EPHB1: variants seen among roughly 807,000 people sequenced by gnomAD.
EPHB1 encodes the protein ephrin type-B receptor 1.
EPHB1 carries 30 observed loss-of-function variants against 94.4 expected under a neutral mutation model. The ratio of observed to expected loss-of-function variants is 0.32; its 90% CI spans 0.24 to 0.43. The LOEUF (loss-of-function observed/expected upper bound fraction) is 0.43. EPHB1 is among the 20% of genes least tolerant of loss of function. The pLI is 1.00. For missense variants in EPHB1, 1,055 were observed against 1,308.3 expected (o/e 0.81, Z 2.99); for synonymous variants, 522 against 489.1 (o/e 1.07, Z -0.89).
intron 12 of EPHB1, among the ~76,000 whole-genome samples, chr3:135,240,641 A>G (rs2400512): frequency 0.35 from 53,718 of 152,038 alleles, 9,550 homozygotes; most frequent in Middle Eastern, 0.45. Flanking sequence ...GGAATGCAAC[A>G]AAAATGGGGC....
intron 5 of EPHB1, among the ~76,000 whole-genome samples, chr3:135,137,284 T>C (rs1940656013): frequency 6.6e-6 from 1 of 152,170 alleles, no homozygotes. Flanking sequence ...GAGGCAGCCA[T>C]TGTTCAGCTC....
chr3:134,878,882 GA>G (rs1177977780), intron 1 of EPHB1, among the ~76,000 whole-genome samples: 8 of 152,070 alleles, frequency 5.3e-5, no homozygotes, highest in African/African-American at 1.7e-4. Context: ...AACTTTTGAT[GA>G]AAAAAATAAC....
At chr3:135,015,666 T>G (rs951985344) in intron 3 of EPHB1, among the ~76,000 whole-genome samples, 1 of 152,180 alleles carries the variant, frequency 6.6e-6, no homozygotes. Context: ...CTGCTGACTA[T>G]GAAAAGGTGG....
intron 1 of EPHB1, among the ~76,000 whole-genome samples, chr3:134,831,506 T>A (rs1404085609): frequency 2.0e-5 from 3 of 152,246 alleles, no homozygotes; most frequent in Non-Finnish European, 4.4e-5. Context: ...AAAAAAGTAA[T>A]AGAAGTTTGC....
chr3:135,249,516 C>T (rs750680248), intron 15 of EPHB1, 25 bp downstream of exon 15: 2 of 1,604,796 alleles, frequency 1.2e-6, no homozygotes, highest in South Asian at 2.2e-5. Context: ...TCTCTCTGTC[C>T]AGACCACACC....
At chr3:134,930,150 G>A (rs1411319775) in intron 2 of EPHB1, among the ~76,000 whole-genome samples, 1 of 152,190 alleles carries the variant, frequency 6.6e-6, no homozygotes, top group Admixed American at 6.5e-5. Context: ...GAGAGGCCAA[G>A]GGACTCTTCC....
rs1208609862 is a variant in EPHB1, at chr3:135,165,953, C to T, written c.1586-15C>T. The T allele has an allele frequency of 1.9e-6, 3 of 1,608,340 alleles. No individual in the cohort carries two copies. The highest frequency in any genetic ancestry group is 2.2e-5 in the East Asian group (1 of 44,816). On this transcript the variant is annotated splice_polypyrimidine_tract_variant and intron_variant, in intron 7 of 15. Coordinates refer to ENST00000398015, the MANE Select transcript of EPHB1 (RefSeq NM_004441.5). ...AGGCACATGGGGAGGATTCTAATGC[C>T]TCTTTCTCACCTAGATGATTACAAG...
At chr3:135,110,845 T>C (rs1236846941) in intron 4 of EPHB1, among the ~76,000 whole-genome samples, 3 of 151,544 alleles carry the variant, frequency 2.0e-5, no homozygotes, top group Admixed American at 6.6e-5. Context: ...CCCTCTTTTA[T>C]CCCAGGCACG....
intron 10 of EPHB1, among the ~76,000 whole-genome samples, chr3:135,187,420 C>G (rs1273422015): frequency 6.6e-6 from 1 of 152,144 alleles, no homozygotes; most frequent in Non-Finnish European, 1.5e-5. Context: ...TAAAACGAAG[C>G]TCTTTAGAGT....
chr3:134,933,177 C>G (rs1578208293), intron 2 of EPHB1, among the ~76,000 whole-genome samples: 1 of 152,190 alleles, frequency 6.6e-6, no homozygotes, highest in Non-Finnish European at 1.5e-5. Flanking sequence ...GTCTTCCCAT[C>G]CTTTTTTCTC....
intron 1 of EPHB1, among the ~76,000 whole-genome samples, chr3:134,876,306 T>G (rs1471992139): frequency 6.6e-6 from 1 of 152,216 alleles, no homozygotes; most frequent in Non-Finnish European, 1.5e-5. Context: ...TCCTCCTTCA[T>G]CCCTGTTCAT....
chr3:135,005,775 C>T (rs1479325987), intron 3 of EPHB1, among the ~76,000 whole-genome samples: 1 of 152,248 alleles, frequency 6.6e-6, no homozygotes, highest in African/African-American at 2.4e-5. Flanking sequence ...TCCCTGACCC[C>T]TTGTGCTTCC....
At chr3:134,950,581 G>T (rs1186081121) in intron 2 of EPHB1, among the ~76,000 whole-genome samples, 1 of 152,172 alleles carries the variant, frequency 6.6e-6, no homozygotes, top group Non-Finnish European at 1.5e-5. Flanking sequence ...CAGGCCAGGG[G>T]AGCCAGCATG....
chr3:135,002,567 G>A (rs1233343884), intron 3 of EPHB1, among the ~76,000 whole-genome samples: 3 of 151,734 alleles, frequency 2.0e-5, no homozygotes, highest in African/African-American at 2.4e-5. Flanking sequence ...GGTAGAATTT[G>A]GCTGTGAATC....
chr3:135,128,327 C>T (rs1940285779), intron 4 of EPHB1, among the ~76,000 whole-genome samples: 1 of 152,226 alleles, frequency 6.6e-6, no homozygotes, highest in African/African-American at 2.4e-5. Flanking sequence ...GGCTCCAAGC[C>T]AAGGAGGCAA....
intron 13 of EPHB1, among the ~76,000 whole-genome samples, chr3:135,247,968 G>T (rs978438416): frequency 3.3e-5 from 5 of 152,182 alleles, no homozygotes; most frequent in African/African-American, 4.8e-5. Context: ...CCAGCTTCCA[G>T]TAAGGCAGAA....
At chr3:134,859,452 T>C (rs995828974) in intron 1 of EPHB1, among the ~76,000 whole-genome samples, 2 of 152,178 alleles carry the variant, frequency 1.3e-5, no homozygotes, top group Admixed American at 6.5e-5. Flanking sequence ...GTAGCAGATC[T>C]GGGTCCTGAT....
At chr3:134,864,233 G>A (rs953993632) in intron 1 of EPHB1, among the ~76,000 whole-genome samples, 4 of 152,084 alleles carry the variant, frequency 2.6e-5, no homozygotes, top group South Asian at 2.1e-4. Flanking sequence ...TTTTCATCCC[G>A]TTTTATGGGT....
At chr3:135,097,071 G>C (rs1414970543) in intron 3 of EPHB1, among the ~76,000 whole-genome samples, 4 of 145,120 alleles carry the variant, frequency 2.8e-5, no homozygotes, top group Admixed American at 2.1e-4. Flanking sequence ...ACTCCAGCCT[G>C]GGCCACAGAG....
Sources: gnomAD v4.1 joint callset for allele counts (sites outside exome capture counted in the v4.1 genomes callset) on GRCh38, gnomAD v4.1.1 for gene constraint, MANE v1.5 for transcripts, NCBI Gene and HGNC (gene_info 2026-07-23, HGNC 2026-07-21) for gene names.